GBA1: variants seen among roughly 807,000 people sequenced by gnomAD.
GBA1 encodes the protein lysosomal acid glucosylceramidase.
At chr1:155,240,076 A>C in the GBA1 span, 8 of 1,613,454 alleles carry the variant, frequency 5.0e-6, no homozygotes, top group Non-Finnish European at 5.9e-6. Flanking sequence ...AGGGGCGGGC[A>C]CCTGGGAGGG....
chr1:155,235,439 G>A, the GBA1 span: 7 of 1,496,294 alleles, frequency 4.7e-6, no homozygotes, highest in Non-Finnish European at 6.4e-6. Context: ...CTCTAGGCCT[G>A]GAGCCATGCT....
At chr1:155,238,765 C>G in the GBA1 span, 1 of 1,588,582 alleles carries the variant, frequency 6.3e-7, no homozygotes, top group Non-Finnish European at 8.6e-7. Flanking sequence ...GGAACTTGGG[C>G]TCCTGGGTTG....
the GBA1 span, among the ~76,000 whole-genome samples, chr1:155,242,273 A>G: frequency 3.9e-5 from 6 of 152,174 alleles, no homozygotes; most frequent in African/African-American, 1.4e-4. Flanking sequence ...CCCAGGCTGG[A>G]GTGCAGTGGC....
chr1:155,240,786 G>C, the GBA1 span: 5 of 1,367,992 alleles, frequency 3.7e-6, no homozygotes, highest in Non-Finnish European at 5.2e-6. Context: ...TCCTGGGCAG[G>C]GCTTAGCTGC....
the GBA1 span, chr1:155,235,151 A>G: frequency 2.6e-6 from 4 of 1,520,930 alleles, no homozygotes; most frequent in South Asian, 1.1e-5. Context: ...AAGGCCCCCA[A>G]CGCTGTCTTC....
the GBA1 span, chr1:155,238,029 A>C: frequency 8.1e-7 from 1 of 1,231,790 alleles, no homozygotes; most frequent in Non-Finnish European, 1.2e-6. Context: ...AGGTGAGCTG[A>C]GGACAGGCAG....
chr1:155,235,257 G>A, the GBA1 span: 51 of 1,613,864 alleles, frequency 3.2e-5, no homozygotes, highest in African/African-American at 3.2e-4. Flanking sequence ...CGTCCAGGTC[G>A]TTCTTCTGAC....
the GBA1 span, chr1:155,239,978 G>T: frequency 6.2e-7 from 1 of 1,614,022 alleles, no homozygotes; most frequent in African/African-American, 1.3e-5. Flanking sequence ...GGTACCAAGG[G>T]CAGGAAAGGT....
chr1:155,238,209 G>A, the GBA1 span: 10 of 1,614,102 alleles, frequency 6.2e-6, no homozygotes, highest in Admixed American at 1.7e-5. Flanking sequence ...CCCATTCACC[G>A]CTCCATTGGT....
the GBA1 span, among the ~76,000 whole-genome samples, chr1:155,242,779 G>C: frequency 6.6e-6 from 1 of 152,004 alleles, no homozygotes; most frequent in African/African-American, 2.4e-5. Flanking sequence ...TTTTAGTAGA[G>C]ATGGGGTTTC....
At chr1:155,239,510 G>T in the GBA1 span, 1 of 1,269,232 alleles carries the variant, frequency 7.9e-7, no homozygotes, top group Non-Finnish European at 1.1e-6. Flanking sequence ...CTGTCTCGCC[G>T]ACAGAATGGG....
the GBA1 span, chr1:155,235,747 A>C: frequency 1.2e-6 from 2 of 1,614,160 alleles, no homozygotes; most frequent in Non-Finnish European, 1.7e-6. Context: ...GTCTACAATG[A>C]TGGGACTGTC....
chr1:155,235,727 C>T, the GBA1 span: 1 of 1,613,440 alleles, frequency 6.2e-7, no homozygotes, highest in Non-Finnish European at 8.5e-7. Flanking sequence ...TAAAACGTGT[C>T]CTTGGTGATG....
chr1:155,240,357 G>C, the GBA1 span: 2 of 602,402 alleles, frequency 3.3e-6, no homozygotes, highest in Non-Finnish European at 5.9e-6. Flanking sequence ...CCAGCTACCT[G>C]GGAAGCTGAA....
At chr1:155,236,326 A>T in the GBA1 span, 1 of 1,614,186 alleles carries the variant, frequency 6.2e-7, no homozygotes, top group South Asian at 1.1e-5. Context: ...TGGAGCCCAC[A>T]CAGGCCTCTG....
At chr1:155,242,684 C>T in the GBA1 span, among the ~76,000 whole-genome samples, 1 of 148,438 alleles carries the variant, frequency 6.7e-6, no homozygotes, top group Admixed American at 6.7e-5. Flanking sequence ...GCAGTGTGAT[C>T]TCGGCTCAAG....
chr1:155,240,239 G>C, the GBA1 span: 1 of 660,252 alleles, frequency 1.5e-6, no homozygotes, highest in Non-Finnish European at 2.7e-6. Flanking sequence ...CGAGGTGGGC[G>C]GATCACCTGA....
chr1:155,236,130 CA>C, the GBA1 span: 1 of 973,686 alleles, frequency 1.0e-6, no homozygotes, highest in Non-Finnish European at 1.6e-6. Context: ...CAGAGTTGCT[CA>C]AAAGGGCAGG....
At chr1:155,236,065 G>T in the GBA1 span, 12 of 740,526 alleles carry the variant, frequency 1.6e-5, 1 homozygote, top group South Asian at 1.8e-4. Context: ...TGCAAAAGGG[G>T]CAATGAGGTG....
Sources: allele counts gnomAD v4.1 joint callset (sites outside exome capture counted in the v4.1 genomes callset), GRCh38; gene constraint gnomAD v4.1.1; transcripts MANE v1.5; gene names NCBI Gene and HGNC (gene_info 2026-07-23, HGNC 2026-07-21).